Variants in KRT37 observed in about 807,000 individuals in gnomAD.
The protein encoded by KRT37 is keratin 37, also known as keratin, type I cuticular Ha7.
A neutral mutation model predicts 41.9 loss-of-function variants in KRT37; 38 were observed. The ratio of observed to expected loss-of-function variants is 0.91; its 90% CI spans 0.70 to 1.19. The LOEUF (loss-of-function observed/expected upper bound fraction) is 1.19, where lower values mean the gene tolerates loss of function less well. Ranked by LOEUF, KRT37 falls within the 50% of genes most tolerant of loss-of-function variation. The probability of loss-of-function intolerance (pLI) is 0.00; values close to 1 mark genes in which losing one functional copy is unlikely to be tolerated. For missense variants in KRT37, 580 were observed against 575.5 expected (o/e 1.01, Z -0.08); for synonymous variants, 252 against 243.4 (o/e 1.04, Z -0.33).
chr17:41,422,406 C>G lies in KRT37; in HGVS notation c.761G>C (p.Gly254Ala). The G allele has an allele frequency of 6.2e-7, 1 of 1,614,216 alleles. No individual in the cohort carries two copies. The highest frequency in any genetic ancestry group is 1.1e-5 in the South Asian group (1 of 91,084). ...QEVKILRSQL[G>A]EKFRIELDIE... Reference sequence around the variant, plus strand: ...GTCCAGCTCGATCCGGAACTTCTCCCCCAGCTGACTCCTCAGAATCTTTAC... The same window carrying G: ...GTCCAGCTCGATCCGGAACTTCTCCGCCAGCTGACTCCTCAGAATCTTTAC... Residue 254 changes from glycine to alanine, a missense_variant, in exon 4 of 7, where the codon GGG (glycine) becomes GCG (alanine). Gly to Ala is a moderately conservative substitution (Grantham distance 60). Coordinates refer to ENST00000225550, the MANE Select transcript of KRT37 (RefSeq NM_003770.5).
At chr17:41,422,533 G>A (rs948920679) in intron 3 of KRT37, 99 bp from the exon 4 acceptor site, 29 of 1,479,512 alleles carry the variant, frequency 2.0e-5, no homozygotes, top group South Asian at 3.8e-5. Context: ...TAGGAGGGGA[G>A]TCCCACACAT....
In KRT37 at chr17:41,422,485, G is replaced by A. The variant is rs765064760; in HGVS notation, c.733-51C>T. 7.5e-6 allele frequency: 12 copies of A among 1,600,544 alleles called. No homozygotes were observed. In the African/African-American group the frequency reaches 1.6e-4, roughly 21 times the overall value. ...CCTGCGTAAGGAAACGGCCTTTGATGGAGCAGACAGCACCAGGACTCCGTC... is the reference window on the plus strand; with the variant it reads ...CCTGCGTAAGGAAACGGCCTTTGATAGAGCAGACAGCACCAGGACTCCGTC... On this transcript the variant is annotated intron_variant, in intron 3 of 6. Transcript: ENST00000225550.
Position 41,424,112 on chromosome 17 carries a change from C to A in KRT37, c.412G>T (p.Glu138Ter), listed in dbSNP as rs369798171. 8 of 1,614,108 alleles carry A rather than the reference C, an allele frequency of 5.0e-6. No individual in the cohort carries two copies. The South Asian group carries it at 6.6e-5, about 13-fold the overall frequency. ...GTGGACTCGTGGCACTTGCTCCTCTCGAGGAGTGTGGTCTCCAGCTCTGCA... is the reference window on the plus strand; with the variant it reads ...GTGGACTCGTGGCACTTGCTCCTCTAGAGGAGTGTGGTCTCCAGCTCTGCA... ...ENAELETTLLERSKCHESTVC... is the reference protein window; with the variant it reads ...ENAELETTLL The change falls in exon 1 of 7, where the codon GAG (glutamate) becomes TAG (stop). Residue 138 changes from glutamate to a stop codon, truncating the protein, a stop_gained. Coordinates refer to ENST00000225550, the MANE Select transcript of KRT37 (RefSeq NM_003770.5). LOFTEE classifies it high-confidence loss of function.
Position 41,420,938 on chromosome 17 carries a change from TGGAC to T in KRT37, c.1286_1289del (p.Cys429Ter). On this transcript the variant is annotated frameshift_variant, in exon 7 of 7. Coordinates refer to ENST00000225550, the MANE Select transcript of KRT37 (RefSeq NM_003770.5). LOFTEE classifies it low-confidence loss of function (END_TRUNC). ...ACCCACCGGTGACAGGGCCACAGCT[TGGAC>T]AAGAAGTACAGGAGGCAGGCGTGGA... is the stretch of plus-strand genomic sequence containing the variant. The T allele has an allele frequency of 6.2e-7, 1 of 1,614,036 alleles. No individual in the cohort carries two copies. The highest frequency in any genetic ancestry group is 2.2e-5 in the East Asian group (1 of 44,874).
intron 2 of KRT37, 190 bp downstream of exon 2, chr17:41,423,572 C>T: frequency 1.7e-6 from 1 of 578,640 alleles, no homozygotes; most frequent in African/African-American, 1.9e-5. Flanking sequence ...CTTTTTCTTT[C>T]AATGCTTATA....
chr17:41,423,681 C>T, intron 2 of KRT37, 81 bp downstream of exon 2: 2 of 1,330,940 alleles, frequency 1.5e-6, no homozygotes, highest in Middle Eastern at 1.8e-4. Flanking sequence ...TGAACACCTA[C>T]AATATAGACT....
rs761908893 is a variant in KRT37, at chr17:41,424,318, A to T, written c.206T>A (p.Leu69Gln). 3.5e-5 allele frequency: 56 copies of T among 1,614,022 alleles called. No homozygotes were observed. The highest frequency in any genetic ancestry group is 4.6e-5 in the Non-Finnish European group (54 of 1,179,990). Residue 69 changes from leucine to glutamine, a missense_variant, in exon 1 of 7, where the codon CTG (leucine) becomes CAG (glutamine). By Grantham distance (113) the Leu-to-Gln change is moderately radical. Transcript: ENST00000225550. ...STPLGRPSLC[L>Q]PPTSHTACPL... ...ACAAGCAGTGTGACTGGTTGGGGGC[A>T]GACAGAGGCTGGGGCGGCCCAGGGG... is the stretch of plus-strand genomic sequence containing the variant.
Position 41,420,798 on chromosome 17 carries a change from T to C in KRT37, c.*80A>G, listed in dbSNP as rs368803004. On this transcript the variant is annotated 3_prime_UTR_variant, in exon 7 of 7. Coordinates refer to ENST00000225550, the MANE Select transcript of KRT37 (RefSeq NM_003770.5). Reference sequence around the variant, plus strand: ...GGAAAATGCCTCAGTGAGTCTAGTCTTGAAGGAAGACTGGGCAAGGTGAGG... The same window carrying C: ...GGAAAATGCCTCAGTGAGTCTAGTCCTGAAGGAAGACTGGGCAAGGTGAGG... The C allele has an allele frequency of 3.3e-6, 3 of 915,070 alleles. No homozygotes were observed. Among genetic ancestry groups the C allele is most frequent in the African/African-American group, 3.2e-5 (2 of 61,732 alleles). 56.7% of individuals were successfully genotyped at this position (915,070 alleles called of 1,614,324 possible).
chr17:41,423,899 C>G, intron 1 of KRT37, 55 bp from the exon 2 acceptor site: 1 of 1,609,580 alleles, frequency 6.2e-7, no homozygotes, highest in Non-Finnish European at 8.5e-7. Flanking sequence ...TAAGCTCCCA[C>G]TCCATGTGTG....
Position 41,421,106 on chromosome 17 carries a change from A to G in KRT37, c.1242-120T>C, listed in dbSNP as rs1053861596. On this transcript the variant is annotated intron_variant, in intron 6 of 6. Transcript: ENST00000225550. ...AAGGCACACAGACCAGAGAATCTAT[A>G]CCAACAGTTCTCTCATCTGTGTCTT... The G allele has an allele frequency of 7.4e-5, 60 of 811,678 alleles. 1 individual carries two copies. The African/African-American group carries it at 9.5e-4, about 13-fold the overall frequency. 50.3% of individuals were successfully genotyped at this position (811,678 alleles called of 1,614,324 possible). A position where few individuals can be genotyped will look rare whatever the true frequency, so the allele number is the denominator to read the frequency against.
At chr17:41,423,991 C>T (rs759078006) in intron 1 of KRT37, 41 bp downstream of exon 1, 7 of 1,605,014 alleles carry the variant, frequency 4.4e-6, no homozygotes, top group Non-Finnish European at 6.0e-6. Context: ...AAGGCTTCTG[C>T]CTTCTCAGAC....
chr17:41,423,229 A>G, intron 2 of KRT37: 2 of 373,024 alleles, frequency 5.4e-6, no homozygotes, highest in Non-Finnish European at 9.5e-6. Flanking sequence ...TTATTCTGCC[A>G]TAATAGGAGT....
intron 5 of KRT37, among the ~76,000 whole-genome samples, chr17:41,421,846 C>T (rs916456649): frequency 2.0e-5 from 3 of 152,158 alleles, no homozygotes; most frequent in Non-Finnish European, 4.4e-5. Flanking sequence ...GGAGTGAGTG[C>T]CTGAACTTCC....
chr17:41,423,022 G>C, intron 2 of KRT37, 88 bp from the exon 3 acceptor site: 1 of 1,493,796 alleles, frequency 6.7e-7, no homozygotes, highest in South Asian at 1.3e-5. Flanking sequence ...CACCACCTTG[G>C]ATCCTTATTT....
chr17:41,423,909 G>C, intron 1 of KRT37, 65 bp from the exon 2 acceptor site: 1 of 1,607,552 alleles, frequency 6.2e-7, no homozygotes, highest in South Asian at 1.1e-5. Context: ...CTCCATGTGT[G>C]GTATTTACGC....
chr17:41,424,513 AAGGAGG>A lies in KRT37; in HGVS notation c.5_10del (p.Thr2_Phe4delinsIle). The A allele has an allele frequency of 6.3e-7, 1 of 1,579,198 alleles. No individual in the cohort carries two copies. The highest frequency in any genetic ancestry group is 8.6e-7 in the Non-Finnish European group (1 of 1,158,862). ...CAGAGGGCATGAGGAGGTGCTGTAG[AAGGAGG>A]TCATGGTGTAGGGCTGAGGCTGCAC... On this transcript the variant is annotated inframe_deletion, in exon 1 of 7. Coordinates refer to ENST00000225550, the MANE Select transcript of KRT37 (RefSeq NM_003770.5).
chr17:41,421,605 G>T lies in KRT37; in HGVS notation c.1021-18C>A. The stretch of plus-strand genomic sequence containing the variant: ...CAGTCCTTCTGTAATGGGAAATAAT[G>T]GGGTAAGAGATCCAGGTGCCCCAAA... On this transcript the variant is annotated intron_variant, in intron 5 of 6. Transcript: ENST00000225550. The T allele has an allele frequency of 6.2e-7, 1 of 1,609,782 alleles. No homozygotes were observed. The highest frequency in any genetic ancestry group is 1.7e-4 in the Middle Eastern group (1 of 6,050).
Position 41,424,414 on chromosome 17 carries a change from T to G in KRT37, c.110A>C (p.Glu37Ala). ...GAGGCACATGGAGGCAGCATTGGCCTCTGCCACAGGCTGGCACCCAACATC... is the reference window on the plus strand; with the variant it reads ...GAGGCACATGGAGGCAGCATTGGCCGCTGCCACAGGCTGGCACCCAACATC... ...PIDVGCQPVA[E>A]ANAASMCLLA... Residue 37 changes from glutamate (E) to alanine (A), a missense_variant, in exon 1 of 7, where the codon GAG (glutamate) becomes GCG (alanine). Transcript: ENST00000225550. 3 of 1,613,012 alleles carry G rather than the reference T, an allele frequency of 1.9e-6. No individual in the cohort carries two copies. The highest frequency in any genetic ancestry group is 1.7e-4 in the Middle Eastern group (1 of 5,996).
Position 41,420,986 on chromosome 17 carries a change from T to A in KRT37, c.1242A>T (p.Lys414Asn), listed in dbSNP as rs2018532189. 9 of 1,603,324 alleles carry A rather than the reference T, an allele frequency of 5.6e-6. No homozygotes were observed. Among genetic ancestry groups the A allele is most frequent in the Non-Finnish European group, 7.7e-6 (9 of 1,171,186 alleles). The change falls in exon 7 of 7, where the codon AAA (lysine) becomes AAT (asparagine). Residue 414 changes from lysine (K) to asparagine (N), a missense_variant and splice_region_variant. Coordinates refer to ENST00000225550, the MANE Select transcript of KRT37 (RefSeq NM_003770.5). ...GCGTGGAACAGGGATTGCAGGGGAGTCTGCAGGGAGAGAAAGAAGAGTTAC... is the reference window on the plus strand; with the variant it reads ...GCGTGGAACAGGGATTGCAGGGGAGACTGCAGGGAGAGAAAGAAGAGTTAC... ...YRNLLESEDCKLPCNPCSTPA... is the reference protein window; with the variant it reads ...YRNLLESEDCNLPCNPCSTPA...
Sources: allele counts gnomAD v4.1 joint callset (sites outside exome capture counted in the v4.1 genomes callset), GRCh38; gene constraint gnomAD v4.1.1; transcripts MANE v1.5; gene names NCBI Gene and HGNC (gene_info 2026-07-23, HGNC 2026-07-21).